The following NUP88 variants were observed in gnomAD, a reference collection of about 807,000 sequenced individuals.
NUP88 encodes the protein nuclear pore complex protein Nup88.
NUP88 carries 57 observed loss-of-function variants against 93.9 expected under a neutral mutation model. The ratio of observed to expected loss-of-function variants is 0.61; its 90% CI spans 0.49 to 0.76. NUP88 has a LOEUF of 0.76. Among genes scored for constraint, NUP88 ranks in the 30% least tolerant of loss-of-function variants. The pLI is 0.00. For synonymous variants in NUP88, 346 were observed against 336.8 expected, an observed-to-expected ratio of 1.03 and a Z score of -0.30; for missense variants, 911 against 901.0, an observed-to-expected ratio of 1.01 and a Z score of -0.14.
At position 5,393,435 on chromosome 17, in the gene NUP88, CTTTT is replaced by C. The variant is rs35265554; in HGVS notation, c.1382+1452_1382+1455del. ...TTATGTATTTTCCTTGTTCACTTTT[CTTTT>C]TTTTTTTTTTTTTTTGAGATGGAGT... On this transcript the variant is annotated intron_variant, in intron 9 of 16. Transcript: ENST00000573584. 4.9e-5 allele frequency among the ~76,000 whole-genome samples: 6 copies of C among 121,692 alleles called. No homozygotes were observed. The South Asian group carries it at 1.1e-3, about 22-fold the overall frequency. 79.8% of individuals were successfully genotyped at this position (121,692 alleles called of 152,430 possible). A position where few individuals can be genotyped will look rare whatever the true frequency, so the allele number is the denominator to read the frequency against.
chr17:5,387,514 T>C (rs779758900), intron 13 of NUP88, 48 bp from the exon 14 acceptor site: 5 of 1,599,816 alleles, frequency 3.1e-6, no homozygotes, highest in African/African-American at 2.7e-5. Flanking sequence ...CCCTTGATGC[T>C]GAAACCACCT....
In NUP88 at chr17:5,414,084, A is replaced by T. The variant is rs1162529630; in HGVS notation, c.518T>A (p.Leu173Gln). 6.2e-7 allele frequency: 1 copy of T among 1,613,800 alleles called. No homozygotes were observed. Among genetic ancestry groups the T allele is most frequent in the East Asian group, 2.2e-5 (1 of 44,874 alleles). ...ACTTGGATACCATGCAGCATGCTTT[A>T]GAGTCAGAGAGGTGGAACTGGTGAA... is the stretch of plus-strand genomic sequence containing the variant. ...RFFTSSTSLT[L>Q]KHAAWYPSEI... is the part of the protein sequence containing the mutation. The change falls in exon 3 of 17, where the codon CTA becomes CAA. Residue 173 changes from leucine to glutamine, a missense_variant. Physicochemically the swap from Leu to Gln is moderately radical, Grantham distance 113. Coordinates refer to ENST00000573584, the MANE Select transcript of NUP88 (RefSeq NM_002532.6).
intron 9 of NUP88, 82 bp downstream of exon 9, chr17:5,394,809 G>T (rs1345476214): frequency 2.2e-6 from 2 of 900,344 alleles, no homozygotes; most frequent in South Asian, 1.4e-5. Context: ...TACTGTGGAT[G>T]TGAGTGTAAC....
rs912769856 is a variant in NUP88, at chr17:5,385,776, GAA to G, written c.*428_*429del. On this transcript the variant is annotated 3_prime_UTR_variant, in exon 17 of 17. Transcript: ENST00000573584. Reference sequence around the variant, plus strand: ...TGTACTGAAGGTGTGTCCTCAAGAAGAAAGTGTTCAAATTAAAAAAGCTGCTG... The same window carrying G: ...TGTACTGAAGGTGTGTCCTCAAGAAGAGTGTTCAAATTAAAAAAGCTGCTG... The G allele has an allele frequency of 2.5e-4, 58 of 234,852 alleles. No homozygotes were observed. The highest frequency in any genetic ancestry group is 1.2e-3 in the African/African-American group (53 of 45,498). The allele number at this position is 234,852 out of a possible 1,614,324, so 14.5% of individuals were successfully genotyped here.
chr17:5,413,623 AC>A (rs1913969581), intron 3 of NUP88, among the ~76,000 whole-genome samples: 1 of 152,154 alleles, frequency 6.6e-6, no homozygotes, highest in Non-Finnish European at 1.5e-5. Flanking sequence ...GAGCCCCCCA[AC>A]CCCTAAAAAG....
intron 5 of NUP88, among the ~76,000 whole-genome samples, chr17:5,407,310 C>T (rs1913555996): frequency 6.6e-6 from 1 of 152,210 alleles, no homozygotes; most frequent in Non-Finnish European, 1.5e-5. Context: ...CAGGCCTACT[C>T]ATTTACTCCA....
intron 4 of NUP88, 30 bp downstream of exon 4, chr17:5,410,673 A>C (rs770180661): frequency 2.9e-6 from 4 of 1,367,078 alleles, no homozygotes; most frequent in Non-Finnish European, 4.1e-6. Context: ...CTAATTAAAA[A>C]ACCATTTCAA....
At chr17:5,402,843 CA>C (rs1202969145) in intron 7 of NUP88, among the ~76,000 whole-genome samples, 1 of 152,046 alleles carries the variant, frequency 6.6e-6, no homozygotes, top group Non-Finnish European at 1.5e-5. Context: ...ACCAAAAATA[CA>C]AAAATTAGGC....
chr17:5,415,359 G>A (rs1914076155), intron 2 of NUP88, among the ~76,000 whole-genome samples: 1 of 152,104 alleles, frequency 6.6e-6, no homozygotes, highest in Non-Finnish European at 1.5e-5. Context: ...ATACATTTTA[G>A]GATGGTTTGA....
chr17:5,387,303 T>G, intron 14 of NUP88, 83 bp downstream of exon 14: 1 of 1,314,470 alleles, frequency 7.6e-7, no homozygotes, highest in Non-Finnish European at 1.1e-6. Flanking sequence ...TCCGTAGGTA[T>G]GTAAGCACCT....
At chr17:5,414,476 T>C (rs570077293) in intron 2 of NUP88, among the ~76,000 whole-genome samples, 69 of 152,210 alleles carry the variant, frequency 4.5e-4, no homozygotes, top group Middle Eastern at 3.4e-3. Flanking sequence ...ATTACAGGCA[T>C]GAGCCACCAC....
intron 8 of NUP88, among the ~76,000 whole-genome samples, chr17:5,397,634 TATAAG>T (rs1912858991): frequency 6.6e-6 from 1 of 152,180 alleles, no homozygotes; most frequent in African/African-American, 2.4e-5. Flanking sequence ...CCTACAAAAC[TATAAG>T]ATAACAAATT....
At chr17:5,416,484 A>G in intron 2 of NUP88, 29 bp downstream of exon 2, 1 of 1,481,176 alleles carries the variant, frequency 6.8e-7, no homozygotes, top group Non-Finnish European at 9.2e-7. Context: ...TATATAATAA[A>G]TTATACAGAT....
intron 4 of NUP88, 142 bp downstream of exon 4, chr17:5,410,561 G>C: frequency 3.3e-6 from 2 of 612,994 alleles, no homozygotes; most frequent in Non-Finnish European, 5.8e-6. Flanking sequence ...ACGAATCCCT[G>C]TTCTACTAAA....
At position 5,386,774 on chromosome 17, in the gene NUP88, A is replaced by G; in HGVS notation, c.2096T>C (p.Leu699Pro). ...ACTGAGAATAATGGTGGGTTTTGGA[A>G]GACTCAACACCTTCTCCATCTTTTG... ...QQQKMEKVLS[L>P]PKPTIILSAY... Residue 699 changes from leucine (L) to proline (P), a missense_variant, in exon 16 of 17, where the codon CTT becomes CCT. Physicochemically the swap from Leu to Pro is moderately conservative, Grantham distance 98 (BLOSUM62 -3). Coordinates refer to ENST00000573584, the MANE Select transcript of NUP88 (RefSeq NM_002532.6). 3 of 1,614,102 alleles carry G rather than the reference A, an allele frequency of 1.9e-6. No homozygotes were observed. Among genetic ancestry groups the G allele is most frequent in the Non-Finnish European group, 2.5e-6 (3 of 1,179,948 alleles).
At chr17:5,403,034 T>C (rs1254991636) in intron 7 of NUP88, among the ~76,000 whole-genome samples, 1 of 152,114 alleles carries the variant, frequency 6.6e-6, no homozygotes, top group African/African-American at 2.4e-5. Context: ...GTGTATACAA[T>C]GCCACATTTT....
At chr17:5,396,347 C>T (rs1431938517) in intron 8 of NUP88, among the ~76,000 whole-genome samples, 1 of 152,226 alleles carries the variant, frequency 6.6e-6, no homozygotes, top group Non-Finnish European at 1.5e-5. Flanking sequence ...TACTTTCTGT[C>T]TCTGTACATT....
At chr17:5,413,970 C>G (rs1265244012) in intron 3 of NUP88, 39 bp downstream of exon 3, 1 of 1,605,086 alleles carries the variant, frequency 6.2e-7, no homozygotes, top group Non-Finnish European at 8.5e-7. Flanking sequence ...ACAGAGCTTT[C>G]CCACTCGCAA....
At chr17:5,396,322 C>T (rs564880887) in intron 8 of NUP88, among the ~76,000 whole-genome samples, 65 of 152,334 alleles carry the variant, frequency 4.3e-4, no homozygotes, top group Non-Finnish European at 6.8e-4. Flanking sequence ...ACTTCCCAGA[C>T]CTAGGCAACT....
Sources: allele counts gnomAD v4.1 joint callset (sites outside exome capture counted in the v4.1 genomes callset), GRCh38; gene constraint gnomAD v4.1.1; transcripts MANE v1.5; gene names NCBI Gene and HGNC (gene_info 2026-07-23, HGNC 2026-07-21).